ERICH3: variants seen among roughly 807,000 people sequenced by gnomAD.
ERICH3 encodes glutamate rich 3, also known as glutamate-rich protein 3.
In ERICH3, 126 loss-of-function variants were observed where a neutral mutation model predicts 131.1. The observed-to-expected ratio is 0.96, with a 90% confidence interval of 0.83 to 1.11. ERICH3 has a LOEUF of 1.11. ERICH3 is among the 50% of genes most tolerant of loss of function. The pLI is 0.00. For missense variants in ERICH3, 2,050 were observed against 1,810.7 expected (o/e 1.13, Z -2.40); for synonymous variants, 695 against 644.6 (o/e 1.08, Z -1.18).
chr1:74,606,955 G>T, intron 9 of ERICH3, 53 bp from the exon 10 acceptor site: 1 of 1,491,202 alleles, frequency 6.7e-7, no homozygotes, highest in Non-Finnish European at 9.0e-7. Context: ...ACAGCACAAT[G>T]GAACCTCAAA....
chr1:74,657,848 A>G (rs1389257761), intron 1 of ERICH3, among the ~76,000 whole-genome samples: 1 of 152,180 alleles, frequency 6.6e-6, no homozygotes, highest in South Asian at 2.1e-4. Flanking sequence ...ATAATGTTAC[A>G]TCTTTGAACA....
At chr1:74,655,208 T>C (rs147194959) in intron 1 of ERICH3, among the ~76,000 whole-genome samples, 1 of 152,320 alleles carries the variant, frequency 6.6e-6, no homozygotes, top group East Asian at 1.9e-4. Context: ...ACCAGGTTAG[T>C]TTTATTTAAC....
intron 12 of ERICH3, chr1:74,579,609 T>TC (rs1213617487): frequency 1.0e-6 from 1 of 985,288 alleles, no homozygotes; most frequent in East Asian, 1.1e-4. Context: ...AGAAAAGGCT[T>TC]CACTTGGTCG....
chr1:74,632,349 G>A (rs917489021), intron 6 of ERICH3, among the ~76,000 whole-genome samples: 24 of 151,994 alleles, frequency 1.6e-4, no homozygotes, highest in African/African-American at 5.8e-4. Flanking sequence ...GGTTTGCAAA[G>A]CTGTAAACAA....
chr1:74,663,806 A>T (rs1646664538), intron 1 of ERICH3, among the ~76,000 whole-genome samples: 1 of 151,956 alleles, frequency 6.6e-6, no homozygotes, highest in South Asian at 2.1e-4. Context: ...CTGTAGGACT[A>T]CTCATAAAAT....
chr1:74,600,530 A>C (rs952513274), intron 10 of ERICH3, among the ~76,000 whole-genome samples: 1 of 151,924 alleles, frequency 6.6e-6, no homozygotes, highest in African/African-American at 2.4e-5. Flanking sequence ...TCATTCCTAC[A>C]ATAAATGAAA....
At chr1:74,600,147 C>T (rs559807619) in intron 10 of ERICH3, among the ~76,000 whole-genome samples, 33 of 151,674 alleles carry the variant, frequency 2.2e-4, no homozygotes, top group South Asian at 1.2e-3. Context: ...AAATGAAGCT[C>T]CAAATGACAA....
At chr1:74,608,270 G>A (rs1648496368) in intron 9 of ERICH3, among the ~76,000 whole-genome samples, 1 of 151,944 alleles carries the variant, frequency 6.6e-6, no homozygotes, top group Admixed American at 6.6e-5. Flanking sequence ...GCAAGACCTG[G>A]ATAAAATCCA....
chr1:74,661,198 G>C (rs1348256335), intron 1 of ERICH3, among the ~76,000 whole-genome samples: 1 of 152,002 alleles, frequency 6.6e-6, no homozygotes, highest in African/African-American at 2.4e-5. Context: ...AGGTTAAAGA[G>C]GTTGACTAAA....
intron 7 of ERICH3, 120 bp downstream of exon 7, chr1:74,631,593 C>A: frequency 1.3e-6 from 1 of 793,036 alleles, no homozygotes; most frequent in Non-Finnish European, 2.0e-6. Context: ...AATTGTATTT[C>A]TTTACACACA....
chr1:74,571,818 C>A lies in ERICH3; in HGVS notation c.3892G>T (p.Glu1298Ter), dbSNP rs558628317. 6.2e-7 allele frequency: 1 copy of A among 1,613,360 alleles called. No homozygotes were observed. Among genetic ancestry groups the A allele is most frequent in the Admixed American group, 1.7e-5 (1 of 60,026 alleles). Residue 1298 changes from glutamate (E) to a stop codon, truncating the protein, a stop_gained, in exon 14 of 15, where the codon GAG becomes TAG. Coordinates refer to ENST00000326665, the MANE Select transcript of ERICH3 (RefSeq NM_001002912.5). LOFTEE classifies it high-confidence loss of function. ...GTCTCCAGAGTGCACTCTTTGTCCT[C>A]TTCCTCCTCTGGGTCCTCATCCACC... ...EAVDEDPEEE[E>*]DKECTLETEA...
At chr1:74,608,915 T>C (rs1356217163) in intron 9 of ERICH3, among the ~76,000 whole-genome samples, 1 of 152,056 alleles carries the variant, frequency 6.6e-6, no homozygotes, top group African/African-American at 2.4e-5. Flanking sequence ...TACTTTTAGT[T>C]TATGTTGTGG....
intron 9 of ERICH3, among the ~76,000 whole-genome samples, chr1:74,608,128 G>A (rs1648488857): frequency 6.6e-6 from 1 of 151,908 alleles, no homozygotes; most frequent in African/African-American, 2.4e-5. Context: ...TACAGGTGTA[G>A]GCCTCCAGTT....
At chr1:74,660,814 T>C (rs1570917611) in intron 1 of ERICH3, among the ~76,000 whole-genome samples, 1 of 151,876 alleles carries the variant, frequency 6.6e-6, no homozygotes, top group South Asian at 2.1e-4. Flanking sequence ...CTAATGGCTG[T>C]CAGTGATTTC....
chr1:74,607,187 C>G (rs1046417900), intron 9 of ERICH3, among the ~76,000 whole-genome samples: 6 of 151,920 alleles, frequency 3.9e-5, no homozygotes, highest in Admixed American at 6.6e-5. Flanking sequence ...TAGTTTCAAA[C>G]TAAAATCTGT....
At chr1:74,604,752 G>A (rs1214825396) in intron 10 of ERICH3, among the ~76,000 whole-genome samples, 1 of 151,942 alleles carries the variant, frequency 6.6e-6, no homozygotes, top group African/African-American at 2.4e-5. Flanking sequence ...AAACCATGCT[G>A]TAAATAGATG....
intron 1 of ERICH3, among the ~76,000 whole-genome samples, chr1:74,655,449 T>C (rs1382954290): frequency 2.0e-5 from 3 of 152,154 alleles, no homozygotes; most frequent in East Asian, 1.9e-4. Flanking sequence ...CCTACATGCC[T>C]TGGGTCCTGG....
At chr1:74,646,959 GGA>G (rs1246451796) in intron 2 of ERICH3, among the ~76,000 whole-genome samples, 167 bp from the exon 3 acceptor site, 1 of 146,892 alleles carries the variant, frequency 6.8e-6, no homozygotes, top group Non-Finnish European at 1.5e-5. Flanking sequence ...AGGCAGGGAG[GGA>G]GAGAGAGAAA....
At chr1:74,658,946 G>T (rs945855871) in intron 1 of ERICH3, among the ~76,000 whole-genome samples, 2 of 152,202 alleles carry the variant, frequency 1.3e-5, no homozygotes, top group African/African-American at 4.8e-5. Context: ...TTAGCGCAGT[G>T]CATGACACTC....
Sources: gnomAD v4.1 joint callset for allele counts (sites outside exome capture counted in the v4.1 genomes callset) on GRCh38, gnomAD v4.1.1 for gene constraint, MANE v1.5 for transcripts, NCBI Gene and HGNC (gene_info 2026-07-23, HGNC 2026-07-21) for gene names.